XXYLT1: variants seen among roughly 807,000 people sequenced by gnomAD.
The protein encoded by XXYLT1 is UDP-xylose:alpha-xyloside alpha-1,3-xylosyltransferase.
In XXYLT1, 20 loss-of-function variants were observed where a neutral mutation model predicts 28.9. The observed-to-expected ratio is 0.69, with a 90% CI of 0.49 to 1.00. XXYLT1 has a LOEUF of 1.00. XXYLT1 is among the 50% of genes least tolerant of loss of function. The pLI, the probability that XXYLT1 is intolerant of heterozygous loss-of-function variation, is 0.00. For synonymous variants in XXYLT1, 257 were observed against 253.8 expected, an observed-to-expected ratio of 1.01 and a Z score of -0.12; for missense variants, 542 against 560.1, an observed-to-expected ratio of 0.97 and a Z score of 0.33.
At position 195,243,772 on chromosome 3, in the gene XXYLT1, C is replaced by T. The variant is rs536750344; in HGVS notation, c.505-16916G>A. On this transcript the variant is annotated intron_variant, in intron 1 of 3. Coordinates refer to ENST00000310380, the MANE Select transcript of XXYLT1 (RefSeq NM_152531.5). The stretch of plus-strand genomic sequence containing the variant: ...TGGAAAAGGTAACAGTCATAATGGA[C>T]GTGCAGTTTTTACAAGGAAAGAAAA... Among the ~76,000 whole-genome samples, 73 of 152,270 alleles carry T rather than the reference C, an allele frequency of 4.8e-4. No homozygotes were observed. The South Asian group carries it at 0.014, about 30-fold the overall frequency.
At chr3:195,245,306 A>C (rs1724975705) in intron 1 of XXYLT1, among the ~76,000 whole-genome samples, 1 of 151,084 alleles carries the variant, frequency 6.6e-6, no homozygotes, top group Non-Finnish European at 1.5e-5. Flanking sequence ...GATTACAGGC[A>C]CGCACCACCA....
chr3:195,079,982 A>G (rs144300167), intron 3 of XXYLT1, among the ~76,000 whole-genome samples: 1 of 152,290 alleles, frequency 6.6e-6, no homozygotes, highest in East Asian at 1.9e-4. Flanking sequence ...AAGGGCCCCC[A>G]GAACTGTTAG....
At chr3:195,140,839 G>A (rs1719447360) in intron 3 of XXYLT1, among the ~76,000 whole-genome samples, 1 of 152,128 alleles carries the variant, frequency 6.6e-6, no homozygotes, top group Admixed American at 6.5e-5. Flanking sequence ...AATTCAATAT[G>A]AGATTTGGGT....
At chr3:195,116,947 T>C (rs1718072904) in intron 3 of XXYLT1, among the ~76,000 whole-genome samples, 1 of 151,976 alleles carries the variant, frequency 6.6e-6, no homozygotes, top group Non-Finnish European at 1.5e-5. Flanking sequence ...AAAGTAACAA[T>C]GAAGTGTTAC....
rs71648805 is a variant in XXYLT1 at position 195,206,765 on chromosome 3, C to CA, written c.652+19943dup. Among the ~76,000 whole-genome samples the CA allele has an allele frequency of 1.5e-3, 197 of 135,682 alleles. 1 individual carries two copies. The highest frequency in any genetic ancestry group is 3.8e-3 in the African/African-American group (141 of 36,892). 89.0% of individuals were successfully genotyped at this position (135,682 alleles called of 152,430 possible). ...TGGGTGACAGAGCAAGACTCCGTCT[C>CA]AAAAAAAAAAAGTACTTTTCTGTTA... is the stretch of plus-strand genomic sequence containing the variant. On this transcript the variant is annotated intron_variant, in intron 2 of 3. Transcript: ENST00000310380.
chr3:195,121,919 G>A (rs1718379724), intron 3 of XXYLT1: 1 of 650,728 alleles, frequency 1.5e-6, no homozygotes, highest in Admixed American at 2.2e-5. Flanking sequence ...AGAAAGCCCA[G>A]CCTGGACCCT....
chr3:195,068,764 T>A lies in XXYLT1; in HGVS notation c.*951A>T, dbSNP rs1212951977. 1 of 152,054 alleles carries A rather than the reference T, an allele frequency of 6.6e-6. No individual in the cohort carries two copies. Among genetic ancestry groups the A allele is most frequent in the Admixed American group, 6.5e-5 (1 of 15,274 alleles). The allele number at this position is 152,054 out of a possible 1,614,324, so 9.4% of individuals were successfully genotyped here. A position where few individuals can be genotyped will look rare whatever the true frequency, so the allele number is the denominator to read the frequency against. On this transcript the variant is annotated 3_prime_UTR_variant, in exon 4 of 4. Transcript: ENST00000310380. ...CCTGGCTAATTTTTAAAATATTTTG[T>A]AGCGATGGGGGCCTCCCTGTGTTTC...
At position 195,123,022 on chromosome 3, in the gene XXYLT1, C is replaced by T. The variant is rs376891915; in HGVS notation, c.785+33427G>A. ...TGTTCTCTGATCTCACTTTCCTACACTGAAAAATGAAGGAGCTGGAGGAGA... is the reference window on the plus strand; with the variant it reads ...TGTTCTCTGATCTCACTTTCCTACATTGAAAAATGAAGGAGCTGGAGGAGA... On this transcript the variant is annotated intron_variant, in intron 3 of 3. Transcript: ENST00000310380. 6.6e-5 allele frequency among the ~76,000 whole-genome samples: 10 copies of T among 152,326 alleles called. No homozygotes were observed. In the East Asian group the frequency reaches 1.3e-3, roughly 21 times the overall value.
intron 1 of XXYLT1, among the ~76,000 whole-genome samples, chr3:195,252,782 GA>G (rs1229251006): frequency 6.6e-6 from 1 of 150,836 alleles, no homozygotes; most frequent in Non-Finnish European, 1.5e-5. Flanking sequence ...TTTATTGTGT[GA>G]AAAAAACAGA....
chr3:195,270,526 C>T (rs1233805301), intron 1 of XXYLT1, 29 bp downstream of exon 1: 3 of 1,364,342 alleles, frequency 2.2e-6, no homozygotes, highest in South Asian at 1.7e-5. Flanking sequence ...GGGCCACCCA[C>T]CGGGAGCCCC....
intron 3 of XXYLT1, among the ~76,000 whole-genome samples, chr3:195,135,217 T>TA (rs1273090261): frequency 6.6e-6 from 1 of 152,158 alleles, no homozygotes; most frequent in Non-Finnish European, 1.5e-5. Flanking sequence ...TGAGGCGAGA[T>TA]ACCCTCGGTG....
At chr3:195,181,251 CTGGCTGTGTATCTGCGTGGCTGCG>C (rs527864643) in intron 2 of XXYLT1, among the ~76,000 whole-genome samples, 4,638 of 149,940 alleles carry the variant, frequency 0.031, 232 homozygotes, top group African/African-American at 0.11. Flanking sequence ...CCTTTTCACA[CTGGCTGTGTATCTGCGTGGCTGCG>C]TGGCTGCGTG....
At chr3:195,101,808 AGG>A (rs1413653761) in intron 3 of XXYLT1, among the ~76,000 whole-genome samples, 1 of 136,818 alleles carries the variant, frequency 7.3e-6, no homozygotes, top group African/African-American at 2.6e-5. Flanking sequence ...TGAAAAAAAA[AGG>A]GGAGAGGGGA....
At chr3:195,215,521 C>G (rs1723533993) in intron 2 of XXYLT1, among the ~76,000 whole-genome samples, 1 of 130,760 alleles carries the variant, frequency 7.6e-6, no homozygotes, top group African/African-American at 2.9e-5. Context: ...GGGTTGCAAT[C>G]CTAGTCTCTG....
At chr3:195,087,712 A>G (rs752578317) in intron 3 of XXYLT1, among the ~76,000 whole-genome samples, 17 of 152,246 alleles carry the variant, frequency 1.1e-4, no homozygotes, top group Non-Finnish European at 2.1e-4. Context: ...GCTCTGGTGT[A>G]CAGCTCCCAG....
At chr3:195,083,932 A>G (rs559816118) in intron 3 of XXYLT1, among the ~76,000 whole-genome samples, 109 of 152,272 alleles carry the variant, frequency 7.2e-4, no homozygotes, top group African/African-American at 2.4e-3. Flanking sequence ...GTGCTGAGGC[A>G]GGAGCATGGT....
chr3:195,246,689 G>A (rs1164913940), intron 1 of XXYLT1, among the ~76,000 whole-genome samples: 9 of 152,348 alleles, frequency 5.9e-5, no homozygotes, highest in Admixed American at 3.9e-4. Flanking sequence ...GCGGGGGTGA[G>A]CAGGGGTCTG....
At position 195,175,524 on chromosome 3, in the gene XXYLT1, T is replaced by C. The variant is rs188471158; in HGVS notation, c.653-18943A>G. ...TTGCATGTTGACTTTGCTGCACCCA[T>C]GGGCTGTTCAGATGGAGATTCCTAG... On this transcript the variant is annotated intron_variant, in intron 2 of 3. Transcript: ENST00000310380. The C allele has an allele frequency of 2.8e-3, 4,167 of 1,475,672 alleles. 10 individuals carry two copies. The highest frequency in any genetic ancestry group is 3.5e-3 in the Non-Finnish European group (3,869 of 1,104,314). 91.4% of individuals were successfully genotyped at this position (1,475,672 alleles called of 1,614,324 possible).
intron 1 of XXYLT1, among the ~76,000 whole-genome samples, chr3:195,228,281 C>CAGCAGACT (rs112356352): frequency 0.14 from 20,849 of 151,986 alleles, 3,077 homozygotes; most frequent in African/African-American, 0.36. Flanking sequence ...CTTGCCCTGC[C>CAGCAGACT]AGACAGTGGC....
Sources: allele counts gnomAD v4.1 joint callset (sites outside exome capture counted in the v4.1 genomes callset), GRCh38; gene constraint gnomAD v4.1.1; transcripts MANE v1.5; gene names NCBI Gene and HGNC (gene_info 2026-07-23, HGNC 2026-07-21).